Variants in MYT1L observed in about 807,000 individuals in gnomAD.
The protein encoded by MYT1L is myelin transcription factor 1-like protein.
A neutral mutation model predicts 126.7 loss-of-function variants in MYT1L; 12 were observed. That is an observed-to-expected ratio of 0.09 (90% CI 0.06 to 0.15). MYT1L has a LOEUF of 0.15. Among genes scored for constraint, MYT1L ranks in the 10% least tolerant of loss-of-function variants. The pLI is 1.00. For synonymous variants in MYT1L, 541 were observed against 604.2 expected, an observed-to-expected ratio of 0.90 and a Z score of 1.53; for missense variants, 979 against 1,585.2, an observed-to-expected ratio of 0.62 and a Z score of 6.49.
At chr2:2,117,078 C>A (rs1048587183) in intron 3 of MYT1L, among the ~76,000 whole-genome samples, 1 of 152,198 alleles carries the variant, frequency 6.6e-6, no homozygotes, top group Non-Finnish European at 1.5e-5. Flanking sequence ...ACCTCTCCCC[C>A]TGCAGAGCAC....
At position 1,803,902 on chromosome 2, in the gene MYT1L, C is replaced by T. The variant is rs185510182; in HGVS notation, c.3173-2103G>A. On this transcript the variant is annotated intron_variant, in intron 22 of 24. Transcript: ENST00000647738. ...CTGCAAACTGATTCTGTAGAGCTGT[C>T]CACAGCCACATTCCTGGGACATCCT... Among the ~76,000 whole-genome samples the T allele has an allele frequency of 7.6e-3, 1,151 of 152,316 alleles. 9 individuals carry two copies. Among genetic ancestry groups the T allele is most frequent in the South Asian group, 0.015 (70 of 4,826 alleles).
At chr2:2,097,794 T>C (rs1380914363) in intron 3 of MYT1L, among the ~76,000 whole-genome samples, 2 of 152,152 alleles carry the variant, frequency 1.3e-5, no homozygotes, top group Non-Finnish European at 2.9e-5. Flanking sequence ...GTAGTGTGCA[T>C]GTGTACCTCC....
At chr2:2,323,245 C>T (rs1291841628) in intron 1 of MYT1L, among the ~76,000 whole-genome samples, 52 of 151,882 alleles carry the variant, frequency 3.4e-4, no homozygotes, top group Non-Finnish European at 1.3e-4. Context: ...TTTCCCCTCC[C>T]CCCAAAAGTT....
At chr2:2,182,432 CA>C (rs2148651037) in intron 2 of MYT1L, among the ~76,000 whole-genome samples, 1 of 152,302 alleles carries the variant, frequency 6.6e-6, no homozygotes, top group African/African-American at 2.4e-5. Context: ...TTTCATGGAA[CA>C]AGGAAGATGT....
At chr2:2,091,089 G>A (rs2076871949) in intron 3 of MYT1L, among the ~76,000 whole-genome samples, 1 of 152,158 alleles carries the variant, frequency 6.6e-6, no homozygotes, top group African/African-American at 2.4e-5. Context: ...AATGTTATTT[G>A]GCCCTCCTCT....
At chr2:2,021,713 C>A (rs1177653032) in intron 4 of MYT1L, among the ~76,000 whole-genome samples, 1 of 152,100 alleles carries the variant, frequency 6.6e-6, no homozygotes, top group South Asian at 2.1e-4. Context: ...CTGGCTAACA[C>A]GGTGAAACTC....
At chr2:2,071,037 G>T (rs1167473072) in intron 3 of MYT1L, among the ~76,000 whole-genome samples, 26 of 152,148 alleles carry the variant, frequency 1.7e-4, no homozygotes, top group Non-Finnish European at 1.0e-4. Flanking sequence ...AGGATATGGG[G>T]TGAAGTCTAA....
chr2:2,131,375 A>T (rs574358526), intron 3 of MYT1L, among the ~76,000 whole-genome samples: 12 of 152,336 alleles, frequency 7.9e-5, no homozygotes, highest in Middle Eastern at 3.4e-3. Context: ...GAAAAAGGCA[A>T]CACAAGCATA....
At chr2:2,151,196 C>G (rs1198931931) in intron 3 of MYT1L, among the ~76,000 whole-genome samples, 1 of 151,996 alleles carries the variant, frequency 6.6e-6, no homozygotes, top group African/African-American at 2.4e-5. Context: ...AAACTCAGTG[C>G]CTAAAACACT....
At chr2:2,022,193 A>G (rs2149836411) in intron 4 of MYT1L, among the ~76,000 whole-genome samples, 1 of 152,288 alleles carries the variant, frequency 6.6e-6, no homozygotes, top group Middle Eastern at 3.4e-3. Flanking sequence ...GCACACATCT[A>G]CTGAGGCTAT....
intron 17 of MYT1L, chr2:1,886,974 T>C (rs1300535586): frequency 5.0e-6 from 2 of 403,390 alleles, no homozygotes; most frequent in Non-Finnish European, 4.4e-6. Context: ...GAATTCAACA[T>C]TTTTACTTTG....
intron 2 of MYT1L, among the ~76,000 whole-genome samples, chr2:2,282,441 T>G (rs966652745): frequency 6.6e-6 from 1 of 152,232 alleles, no homozygotes; most frequent in Non-Finnish European, 1.5e-5. Context: ...GGCAGACCGT[T>G]CAAACACTGG....
chr2:2,330,520 T>C (rs2096278442), intron 1 of MYT1L, among the ~76,000 whole-genome samples: 1 of 152,210 alleles, frequency 6.6e-6, no homozygotes, highest in Non-Finnish European at 1.5e-5. Flanking sequence ...TTTGAGTTTC[T>C]CCACTTAAAC....
intron 21 of MYT1L, chr2:1,809,788 T>A (rs2036295795): frequency 6.6e-6 from 1 of 152,418 alleles, no homozygotes; most frequent in African/African-American, 2.4e-5. Flanking sequence ...AGGTGTCTCT[T>A]CACTTTTCTC....
intron 9 of MYT1L, among the ~76,000 whole-genome samples, chr2:1,933,981 T>A (rs2055380369): frequency 6.8e-6 from 1 of 146,174 alleles, no homozygotes; most frequent in African/African-American, 2.5e-5. Context: ...TTTTTTTTTT[T>A]TTTTTTTTTT....
At chr2:2,125,777 T>A (rs2081606469) in intron 3 of MYT1L, among the ~76,000 whole-genome samples, 1 of 152,204 alleles carries the variant, frequency 6.6e-6, no homozygotes, top group South Asian at 2.1e-4. Flanking sequence ...GAGTAGAGAA[T>A]GAAAATGCTT....
At position 2,295,299 on chromosome 2, in the gene MYT1L, G is replaced by A. The variant is rs1257225363; in HGVS notation, c.-520-10796C>T. Among the ~76,000 whole-genome samples the A allele has an allele frequency of 2.0e-5, 3 of 152,190 alleles. No individual in the cohort carries two copies. In the East Asian group the frequency reaches 5.8e-4, roughly 29 times the overall value. On this transcript the variant is annotated intron_variant, in intron 1 of 24. Transcript: ENST00000647738. ...ACACTGCATTGAAGCCAGGGACAGG[G>A]ACAAGGGCAATACACCTGGAACAGG...
At chr2:2,296,972 C>T (rs936204956) in intron 1 of MYT1L, among the ~76,000 whole-genome samples, 1 of 152,200 alleles carries the variant, frequency 6.6e-6, no homozygotes, top group Admixed American at 6.5e-5. Flanking sequence ...GCCAACACCC[C>T]CTTCCCAGGT....
chr2:1,986,121 A>G (rs1021956013), intron 5 of MYT1L, among the ~76,000 whole-genome samples: 1 of 152,256 alleles, frequency 6.6e-6, no homozygotes. Flanking sequence ...AATTTCAGTT[A>G]AGTGAGTGAA....
Sources: gnomAD v4.1 joint callset for allele counts (sites outside exome capture counted in the v4.1 genomes callset) on GRCh38, gnomAD v4.1.1 for gene constraint, MANE v1.5 for transcripts, NCBI Gene and HGNC (gene_info 2026-07-23, HGNC 2026-07-21) for gene names.